The following KIFAP3 variants were observed in gnomAD, a reference collection of about 807,000 sequenced individuals.
KIFAP3 encodes the protein kinesin associated protein 3, also known as kinesin-associated protein 3.
In KIFAP3, 68 loss-of-function variants were observed where a neutral mutation model predicts 106.5. The observed-to-expected ratio is 0.64, with a 90% CI of 0.53 to 0.78. The LOEUF (loss-of-function observed/expected upper bound fraction) is 0.78, where lower values mean the gene tolerates loss of function less well. Ranked by LOEUF, KIFAP3 falls within the 30% of genes least tolerant of loss-of-function variation. The pLI is 0.00. For missense variants in KIFAP3, 780 were observed against 941.8 expected (o/e 0.83, Z 2.25); for synonymous variants, 320 against 311.5 (o/e 1.03, Z -0.29).
In KIFAP3 at chr1:170,016,546, G is replaced by A; in HGVS notation, c.1099C>T (p.Leu367Phe). 1 of 1,608,548 alleles carries A rather than the reference G, an allele frequency of 6.2e-7. No individual in the cohort carries two copies. The highest frequency in any genetic ancestry group is 8.5e-7 in the Non-Finnish European group (1 of 1,177,746). The change falls in exon 10 of 20, where the codon CTT becomes TTT. Residue 367 changes from leucine to phenylalanine, a missense_variant. Around this residue, in one of 3 missense-constraint regions of KIFAP3, gnomAD observed 588 missense variants for 678.9 expected, o/e 0.87. Transcript: ENST00000361580. ...GTGTCAAAGGATAGGTTTAGTAAAA[G>A]TCGGAGGGTGATATTCAGCAGGTCT... The part of the protein sequence containing the change: ...HEDLLNITLR[L>F]LLNLSFDTGL...
chr1:169,952,623 A>G lies in KIFAP3; in HGVS notation c.2273+1388T>C, dbSNP rs550367852. The stretch of plus-strand genomic sequence containing the variant: ...CAAATGAGGCAGCATGTTATACTGG[A>G]AAGAACATAAACTTTGGTGATATAT... On this transcript the variant is annotated intron_variant, in intron 19 of 19. Coordinates refer to ENST00000361580, the MANE Select transcript of KIFAP3 (RefSeq NM_014970.4). Among the ~76,000 whole-genome samples the G allele has an allele frequency of 7.2e-5, 11 of 152,226 alleles. No homozygotes were observed. In the South Asian group the frequency reaches 1.7e-3, roughly 23 times the overall value.
intron 10 of KIFAP3, among the ~76,000 whole-genome samples, chr1:170,008,698 G>A (rs1004612876): frequency 1.3e-5 from 2 of 152,200 alleles, no homozygotes; most frequent in African/African-American, 4.8e-5. Context: ...CAACCATTGT[G>A]GAAGACAGTG....
intron 10 of KIFAP3, among the ~76,000 whole-genome samples, chr1:169,994,784 G>C (rs528726368): frequency 6.6e-6 from 1 of 151,922 alleles, no homozygotes; most frequent in Non-Finnish European, 1.5e-5. Context: ...AGAATAGAGA[G>C]TCAAATCATT....
chr1:169,969,333 A>G (rs1571579266), intron 17 of KIFAP3, among the ~76,000 whole-genome samples: 1 of 152,008 alleles, frequency 6.6e-6, no homozygotes, highest in Non-Finnish European at 1.5e-5. Flanking sequence ...TACTGGCAAG[A>G]TTATTAATAA....
chr1:170,067,010 A>AT, intron 1 of KIFAP3, among the ~76,000 whole-genome samples: 1 of 152,092 alleles, frequency 6.6e-6, no homozygotes, highest in Non-Finnish European at 1.5e-5. Context: ...AAACTAGATA[A>AT]TTTTTTTAAA....
Position 170,055,412 on chromosome 1 carries a change from A to G in KIFAP3, c.57T>C (p.Asp19=). 2 of 1,600,526 alleles carry G rather than the reference A, an allele frequency of 1.2e-6. No homozygotes were observed. Among genetic ancestry groups the G allele is most frequent in the Non-Finnish European group, 1.7e-6 (2 of 1,173,036 alleles). ...TGAGTGCTTTTTCTGATGGATGTAC[A>G]TCTATATTCCCTCCTTTAACTTTCC... The part of the protein sequence containing the change: ...LKRKVKGGNI[D]VHPSEKALIV... The change falls in exon 2 of 20, where the codon GAT becomes GAC. Residue 19 remains aspartate, a synonymous_variant. Transcript: ENST00000361580.
chr1:170,034,393 GTTC>G lies in KIFAP3; in HGVS notation c.718_720del (p.Glu240del). The G allele has an allele frequency of 1.2e-6, 2 of 1,605,952 alleles. No homozygotes were observed. The highest frequency in any genetic ancestry group is 1.7e-6 in the Non-Finnish European group (2 of 1,176,444). On this transcript the variant is annotated inframe_deletion, in exon 7 of 20. Coordinates refer to ENST00000361580, the MANE Select transcript of KIFAP3 (RefSeq NM_014970.4). Reference sequence around the variant, plus strand: ...ATATCAGCTTTCTTCTTCTTTGAGAGTTCTTCTTGCCAAAGCTCATGTCTTTTT... The same window carrying G: ...ATATCAGCTTTCTTCTTCTTTGAGAGTTCTTGCCAAAGCTCATGTCTTTTT...
chr1:169,963,621 T>G (rs978679529), intron 17 of KIFAP3, among the ~76,000 whole-genome samples: 1 of 152,108 alleles, frequency 6.6e-6, no homozygotes, highest in Admixed American at 6.6e-5. Flanking sequence ...GCCTCCAGAA[T>G]AGCTGAGATT....
intron 2 of KIFAP3, among the ~76,000 whole-genome samples, chr1:170,049,373 G>C (rs1260003502): frequency 1.3e-5 from 2 of 152,238 alleles, no homozygotes; most frequent in Admixed American, 6.5e-5. Flanking sequence ...CCTGGCAGGA[G>C]GGGTGGCTGT....
chr1:169,962,393 C>G (rs1359064947), intron 17 of KIFAP3, among the ~76,000 whole-genome samples: 1 of 152,158 alleles, frequency 6.6e-6, no homozygotes, highest in Non-Finnish European at 1.5e-5. Flanking sequence ...GTTGCAGCTA[C>G]TACTGAGTAG....
At chr1:169,978,332 T>C in intron 15 of KIFAP3, 149 bp from the exon 16 acceptor site, 1 of 559,684 alleles carries the variant, frequency 1.8e-6, no homozygotes, top group South Asian at 2.5e-5. Flanking sequence ...GTTCCTAATG[T>C]AAAATAGTAA....
intron 11 of KIFAP3, among the ~76,000 whole-genome samples, chr1:169,985,368 T>C (rs1190256384): frequency 3.3e-5 from 5 of 151,750 alleles, no homozygotes; most frequent in African/African-American, 1.2e-4. Flanking sequence ...GATAAAAGGA[T>C]TGATTAGACA....
chr1:169,944,528 G>T (rs1159993413), intron 19 of KIFAP3, among the ~76,000 whole-genome samples: 1 of 152,126 alleles, frequency 6.6e-6, no homozygotes, highest in East Asian at 1.9e-4. Flanking sequence ...TGGGGGCGAC[G>T]TGTTTCAGCC....
At chr1:169,984,733 C>A (rs1389392969) in intron 11 of KIFAP3, 43 bp from the exon 12 acceptor site, 1 of 1,022,024 alleles carries the variant, frequency 9.8e-7, no homozygotes, top group Admixed American at 1.9e-5. Flanking sequence ...GAAACAAAGA[C>A]AAAAAACCAA....
At chr1:170,030,845 G>A (rs557594120) in intron 8 of KIFAP3, among the ~76,000 whole-genome samples, 131 of 151,794 alleles carry the variant, frequency 8.6e-4, no homozygotes, top group Middle Eastern at 3.4e-3. Context: ...GAAATTTTGG[G>A]AGTGATGGAT....
At chr1:169,983,954 T>C (rs985559526) in intron 12 of KIFAP3, among the ~76,000 whole-genome samples, 2 of 151,776 alleles carry the variant, frequency 1.3e-5, no homozygotes, top group African/African-American at 4.8e-5. Flanking sequence ...ACAAATATGC[T>C]TTATAAAAAC....
intron 14 of KIFAP3, 71 bp from the exon 15 acceptor site, chr1:169,982,168 GT>G: frequency 7.0e-7 from 1 of 1,423,580 alleles, no homozygotes; most frequent in Non-Finnish European, 9.8e-7. Flanking sequence ...GTATCAAAAT[GT>G]AAATACACAG....
intron 10 of KIFAP3, among the ~76,000 whole-genome samples, chr1:169,996,393 C>A (rs12095784): frequency 0.018 from 2,711 of 152,260 alleles, 79 homozygotes; most frequent in African/African-American, 0.062. Flanking sequence ...GACAACTAAT[C>A]TTTCTTATAC....
chr1:169,921,451 A>G lies in KIFAP3; in HGVS notation c.*225T>C, dbSNP rs967380277. 2 of 355,674 alleles carry G rather than the reference A, an allele frequency of 5.6e-6. No homozygotes were observed. Among genetic ancestry groups the G allele is most frequent in the Non-Finnish European group, 1.0e-5 (2 of 194,896 alleles). The allele number at this position is 355,674 out of a possible 1,614,324, so 22.0% of individuals were successfully genotyped here. A position where few individuals can be genotyped will look rare whatever the true frequency, so the allele number is the denominator to read the frequency against. On this transcript the variant is annotated 3_prime_UTR_variant, in exon 20 of 20. Transcript: ENST00000361580. ...AGTTTTGTGGCTCATGGGAAATGTT[A>G]CTTAGCATCAAGATGTGGTTTGATG... is the stretch of plus-strand genomic sequence containing the variant.
Sources: allele counts gnomAD v4.1 joint callset (sites outside exome capture counted in the v4.1 genomes callset), GRCh38; gene constraint gnomAD v4.1.1; regional missense constraint gnomAD v4.1.1; transcripts MANE v1.5; gene names NCBI Gene and HGNC (gene_info 2026-07-23, HGNC 2026-07-21).